The following SIM2 variants were observed in gnomAD, a reference collection of about 807,000 sequenced individuals.
The protein encoded by SIM2 is single-minded homolog 2.
Under a neutral mutation model 64.8 loss-of-function variants are expected in SIM2, and 28 were observed. The observed-to-expected ratio is 0.43, with a 90% CI of 0.32 to 0.59. The LOEUF (loss-of-function observed/expected upper bound fraction) is 0.59. SIM2 is among the 20% of genes least tolerant of loss of function. The pLI is 0.07. For missense variants in SIM2, 847 were observed against 871.4 expected (o/e 0.97, Z 0.35); for synonymous variants, 408 against 391.1 (o/e 1.04, Z -0.51).
In SIM2 at chr21:36,747,997, C is replaced by G. The variant is rs1402144591; in HGVS notation, c.1909C>G (p.Arg637Gly). ...GGPEAATGAL[R>G]LRHPSPAATS... ...CCCCGAGGCGGCGACCGGCGCGCTGCGGCTCCGGCACCCGAGCCCCGCCGC... is the reference window on the plus strand; with the variant it reads ...CCCCGAGGCGGCGACCGGCGCGCTGGGGCTCCGGCACCCGAGCCCCGCCGC... The change falls in exon 11 of 11, where the codon CGG (arginine) becomes GGG (glycine). Residue 637 changes from arginine (R) to glycine (G), a missense_variant. Around this residue, in one of 3 missense-constraint regions of SIM2, gnomAD observed 447 missense variants for 414.6 expected, o/e 1.08. Transcript: ENST00000290399. This position sits in a 1 kb window ranked among gnomAD's most constrained non-coding sequence, Gnocchi z 4.5. 1 of 1,100,544 alleles carries G rather than the reference C, an allele frequency of 9.1e-7. No individual in the cohort carries two copies. Among genetic ancestry groups the G allele is most frequent in the Non-Finnish European group, 1.1e-6 (1 of 905,346 alleles). 68.2% of individuals were successfully genotyped at this position (1,100,544 alleles called of 1,614,324 possible). A position where few individuals can be genotyped will look rare whatever the true frequency, so the allele number is the denominator to read the frequency against.
At chr21:36,713,897 T>C (rs886681253) in intron 3 of SIM2, among the ~76,000 whole-genome samples, 1 of 152,264 alleles carries the variant, frequency 6.6e-6, no homozygotes, top group Non-Finnish European at 1.5e-5. Flanking sequence ...TTTCTCTTCC[T>C]CTTCTCTGCT....
intron 7 of SIM2, among the ~76,000 whole-genome samples, chr21:36,735,608 T>C (rs2089034587): frequency 6.6e-6 from 1 of 152,110 alleles, no homozygotes; most frequent in Admixed American, 6.5e-5. Flanking sequence ...CCACTGCTGC[T>C]TGGCCCCACA....
rs996248229 is a variant in SIM2, at chr21:36,720,243, G to A, written c.457+314G>A. The A allele has an allele frequency of 2.6e-5, 8 of 304,854 alleles. No individual in the cohort carries two copies. The South Asian group carries it at 3.1e-4, about 12-fold the overall frequency. The allele number at this position is 304,854 out of a possible 1,614,324, so 18.9% of individuals were successfully genotyped here. Reference sequence around the variant, plus strand: ...AGAATTCCAGGGATTACAGCATCACGGGTCTAGACCAAGCTTCTCCTTAAC... The same window carrying A: ...AGAATTCCAGGGATTACAGCATCACAGGTCTAGACCAAGCTTCTCCTTAAC... On this transcript the variant is annotated intron_variant, in intron 4 of 10. Transcript: ENST00000290399.
rs1555877794 is a variant in SIM2 at position 36,744,874 on chromosome 21, G to A, written c.1314G>A (p.Leu438=). Residue 438 remains leucine, a synonymous_variant, in exon 10 of 11, where the codon CTG becomes CTA. Transcript: ENST00000290399. Reference sequence around the variant, plus strand: ...TTCTGTACACGCCATCCTACAGCCTGCCCTTCTCCTACCATTACGGACACT... The same window carrying A: ...TTCTGTACACGCCATCCTACAGCCTACCCTTCTCCTACCATTACGGACACT... ...SDLLYTPSYS[L]PFSYHYGHFP... 1.2e-6 allele frequency: 2 copies of A among 1,614,236 alleles called. No individual in the cohort carries two copies. Among genetic ancestry groups the A allele is most frequent in the East Asian group, 4.5e-5 (2 of 44,886 alleles).
At chr21:36,712,496 A>G in intron 2 of SIM2, 37 bp from the exon 3 acceptor site, 1 of 1,383,306 alleles carries the variant, frequency 7.2e-7, no homozygotes, top group Non-Finnish European at 1.0e-6. Context: ...CTAATGTAGA[A>G]TGATCATCTC....
chr21:36,729,057 G>T (rs1024916831), intron 6 of SIM2, among the ~76,000 whole-genome samples: 1 of 152,178 alleles, frequency 6.6e-6, no homozygotes, highest in Non-Finnish European at 1.5e-5. Flanking sequence ...GGAAAAAACC[G>T]GGAGGGCACC....
chr21:36,732,791 T>C (rs1260942123), intron 7 of SIM2, among the ~76,000 whole-genome samples: 1 of 152,168 alleles, frequency 6.6e-6, no homozygotes, highest in Non-Finnish European at 1.5e-5. Context: ...AGCTAGAAAG[T>C]TTTCTTGAGC....
intron 5 of SIM2, among the ~76,000 whole-genome samples, chr21:36,724,966 G>A (rs1187636611): frequency 6.6e-6 from 1 of 152,126 alleles, no homozygotes; most frequent in East Asian, 1.9e-4. Flanking sequence ...CTTCTGTAGG[G>A]CCACTCTGGC....
At chr21:36,731,671 C>A (rs2088970399) in intron 7 of SIM2, among the ~76,000 whole-genome samples, 1 of 152,136 alleles carries the variant, frequency 6.6e-6, no homozygotes, top group Admixed American at 6.5e-5. Context: ...CCACGCAGAG[C>A]CCTGCCTCCG....
Position 36,746,824 on chromosome 21 carries a change from TG to T in SIM2, c.1577-840del, listed in dbSNP as rs1248719487. Among the ~76,000 whole-genome samples the T allele has an allele frequency of 1.4e-4, 22 of 152,222 alleles. 1 individual carries two copies. The highest frequency in any genetic ancestry group is 4.3e-4 in the African/African-American group (18 of 41,462). ...AAGTATTACCCACTTGAGATTGACT[TG>T]AATTTGTGTGTCGGAAGCTGGCTAA... On this transcript the variant is annotated intron_variant, in intron 10 of 10. Transcript: ENST00000290399.
intron 4 of SIM2, among the ~76,000 whole-genome samples, chr21:36,721,149 A>T (rs2088818050): frequency 6.6e-6 from 1 of 152,200 alleles, no homozygotes; most frequent in Non-Finnish European, 1.5e-5. Context: ...CTGGAGTCTA[A>T]TTATTCCTTA....
rs140462434 is a variant in SIM2, at chr21:36,743,367, G to A, written c.999-20G>A. The A allele has an allele frequency of 8.5e-4, 1,357 of 1,601,970 alleles. 12 individuals carry two copies. The African/African-American group carries it at 0.014, about 17-fold the overall frequency. ...CTCCAGCGCCTGCTGGACATGACTC[G>A]GCCCACTCTCGCCTTCCAGGGAGAT... On this transcript the variant is annotated intron_variant, in intron 8 of 10. Transcript: ENST00000290399.
chr21:36,737,893 C>T (rs1450508306), intron 7 of SIM2, among the ~76,000 whole-genome samples: 2 of 128,178 alleles, frequency 1.6e-5, no homozygotes, highest in Non-Finnish European at 3.1e-5. Context: ...ACCCAGGAGA[C>T]GGAGGTTGCA....
chr21:36,706,377 T>A (rs2088582680), intron 1 of SIM2, among the ~76,000 whole-genome samples: 2 of 151,970 alleles, frequency 1.3e-5, no homozygotes, highest in Admixed American at 6.6e-5. Flanking sequence ...AGCCGCAACC[T>A]CACCTTCCTC....
chr21:36,702,662 T>C (rs1464531326), intron 1 of SIM2, among the ~76,000 whole-genome samples: 1 of 152,178 alleles, frequency 6.6e-6, no homozygotes, highest in South Asian at 2.1e-4. Context: ...TCTTGATTGA[T>C]TTAACCTCTT....
chr21:36,709,303 C>T lies in SIM2; in HGVS notation c.258+53C>T, dbSNP rs764824354. 7 of 1,401,612 alleles carry T rather than the reference C, an allele frequency of 5.0e-6. No homozygotes were observed. The African/African-American group carries it at 8.5e-5, about 17-fold the overall frequency. 86.8% of individuals were successfully genotyped at this position (1,401,612 alleles called of 1,614,324 possible). A position where few individuals can be genotyped will look rare whatever the true frequency, so the allele number is the denominator to read the frequency against. On this transcript the variant is annotated intron_variant, in intron 2 of 10. Coordinates refer to ENST00000290399, the MANE Select transcript of SIM2 (RefSeq NM_005069.6). ...GCAGCCGCCGCAGGCTCCCTTCCCA[C>T]CCCGCCACCCCAGCCTCCAGGCGTC...
At chr21:36,706,552 G>T (rs768931551) in intron 1 of SIM2, among the ~76,000 whole-genome samples, 2 of 152,240 alleles carry the variant, frequency 1.3e-5, no homozygotes, top group Non-Finnish European at 2.9e-5. Flanking sequence ...TGAGGACCAC[G>T]TGCTCAGTGC....
At chr21:36,716,838 G>T (rs2088753360) in intron 3 of SIM2, among the ~76,000 whole-genome samples, 1 of 150,496 alleles carries the variant, frequency 6.6e-6, no homozygotes, top group South Asian at 2.1e-4. Flanking sequence ...GAGACCCAGG[G>T]AGTTTTATAG....
intron 7 of SIM2, among the ~76,000 whole-genome samples, chr21:36,733,020 T>C (rs2088991618): frequency 6.6e-6 from 1 of 152,132 alleles, no homozygotes; most frequent in African/African-American, 2.4e-5. Flanking sequence ...CCCCTGCCAC[T>C]GTTGGGGCGG....
Sources: gnomAD v4.1 joint callset for allele counts (sites outside exome capture counted in the v4.1 genomes callset) on GRCh38, gnomAD v4.1.1 for gene constraint, gnomAD v4.1.1 regional missense constraint, Gnocchi (gnomAD v3.1) non-coding constraint, MANE v1.5 for transcripts, NCBI Gene and HGNC (gene_info 2026-07-23, HGNC 2026-07-21) for gene names.